The following OXR1 variants were observed in gnomAD, a reference collection of about 807,000 sequenced individuals.
OXR1 encodes oxidation resistance protein 1.
Under a neutral mutation model 104.6 loss-of-function variants are expected in OXR1, and 41 were observed. The observed-to-expected ratio is 0.39, with a 90% CI of 0.31 to 0.51. The LOEUF is 0.51. OXR1 is among the 20% of genes least tolerant of loss of function. The pLI, the probability that OXR1 is intolerant of heterozygous loss-of-function variation, is 0.77. For missense variants in OXR1, 955 were observed against 1,031.9 expected (o/e 0.93, Z 1.02); for synonymous variants, 348 against 348.4 (o/e 1.00, Z 0.01).
chr8:106,489,222 G>T (rs959658516), intron 2 of OXR1, among the ~76,000 whole-genome samples: 3 of 151,164 alleles, frequency 2.0e-5, no homozygotes, highest in Admixed American at 2.0e-4. Flanking sequence ...TTGGCTCTCT[G>T]TTTGTCTGTT....
chr8:106,750,192 A>G (rs1032187032), intron 16 of OXR1, among the ~76,000 whole-genome samples: 1 of 151,774 alleles, frequency 6.6e-6, no homozygotes, highest in Non-Finnish European at 1.5e-5. Context: ...ATACCCAAAG[A>G]AAAACTCATA....
intron 2 of OXR1, among the ~76,000 whole-genome samples, chr8:106,369,827 G>A (rs767366144): frequency 2.0e-5 from 3 of 152,212 alleles, no homozygotes; most frequent in African/African-American, 4.8e-5. Flanking sequence ...AAGTCAGGTA[G>A]TGTGATGCTT....
At chr8:106,680,972 T>A (rs1184310383) in intron 4 of OXR1, among the ~76,000 whole-genome samples, 1 of 152,200 alleles carries the variant, frequency 6.6e-6, no homozygotes, top group Non-Finnish European at 1.5e-5. Flanking sequence ...ACAACTCCAT[T>A]CAATCCATGA....
chr8:106,572,369 T>G (rs891541040), intron 3 of OXR1, among the ~76,000 whole-genome samples: 16 of 152,206 alleles, frequency 1.1e-4, no homozygotes, highest in African/African-American at 3.4e-4. Flanking sequence ...ATCAAGTTGT[T>G]TTTAGGCCAC....
intron 2 of OXR1, among the ~76,000 whole-genome samples, chr8:106,408,794 G>T (rs1024848070): frequency 1.3e-5 from 2 of 152,146 alleles, no homozygotes; most frequent in African/African-American, 4.8e-5. Flanking sequence ...GAGCAGCTAG[G>T]TGACTGCCTG....
intron 3 of OXR1, among the ~76,000 whole-genome samples, chr8:106,519,902 CT>C (rs1019168842): frequency 3.3e-5 from 5 of 152,132 alleles, no homozygotes; most frequent in Admixed American, 2.6e-4. Context: ...TTTGGCCTTG[CT>C]TTTTAATGAA....
chr8:106,653,082 A>AT (rs1358418211), intron 3 of OXR1, among the ~76,000 whole-genome samples: 3,355 of 104,370 alleles, frequency 0.032, 61 homozygotes, highest in African/African-American at 0.08. Context: ...AAAAAAAAAA[A>AT]AATATATATA....
chr8:106,618,992 G>A (rs1821471307), intron 3 of OXR1, among the ~76,000 whole-genome samples: 2 of 151,992 alleles, frequency 1.3e-5, no homozygotes, highest in Non-Finnish European at 2.9e-5. Flanking sequence ...AAGAACTGAG[G>A]CGTGTAAGTA....
At chr8:106,610,809 G>C (rs951985622) in intron 3 of OXR1, among the ~76,000 whole-genome samples, 6 of 152,162 alleles carry the variant, frequency 3.9e-5, no homozygotes, top group Non-Finnish European at 8.8e-5. Context: ...CCAATAATTA[G>C]ATGCAAATTT....
At chr8:106,580,058 A>G (rs1014959245) in intron 3 of OXR1, among the ~76,000 whole-genome samples, 1 of 152,182 alleles carries the variant, frequency 6.6e-6, no homozygotes, top group Non-Finnish European at 1.5e-5. Flanking sequence ...CTCTAAATGC[A>G]CAGAACTATA....
intron 6 of OXR1, among the ~76,000 whole-genome samples, chr8:106,688,382 CTT>C (rs1327478217): frequency 6.6e-6 from 1 of 151,236 alleles, no homozygotes; most frequent in Non-Finnish European, 1.5e-5. Context: ...ATTAATAACA[CTT>C]GAATTGGATA....
intron 3 of OXR1, among the ~76,000 whole-genome samples, chr8:106,536,080 C>T (rs1422158776): frequency 3.3e-5 from 5 of 151,726 alleles, no homozygotes; most frequent in South Asian, 2.1e-4. Context: ...ATTAGCCGGG[C>T]GTGGTGGCGG....
chr8:106,540,304 G>T (rs1035177473), intron 3 of OXR1, among the ~76,000 whole-genome samples: 1 of 152,086 alleles, frequency 6.6e-6, no homozygotes. Context: ...AAGCCCGTGG[G>T]TAAAAGTTCC....
At chr8:106,717,122 A>C (rs1195526112) in intron 11 of OXR1, among the ~76,000 whole-genome samples, 1 of 151,968 alleles carries the variant, frequency 6.6e-6, no homozygotes, top group Non-Finnish European at 1.5e-5. Context: ...GGAGGCGGAG[A>C]TTGCAGTGAG....
chr8:106,693,775 A>G (rs1428151840), intron 7 of OXR1, among the ~76,000 whole-genome samples: 5 of 152,132 alleles, frequency 3.3e-5, no homozygotes, highest in Admixed American at 2.0e-4. Flanking sequence ...TTCTAAGCAA[A>G]AACTTCTAAT....
At position 106,421,019 on chromosome 8, in the gene OXR1, T is replaced by C. The variant is rs554541833; in HGVS notation, c.23+61383T>C. 2.0e-5 allele frequency among the ~76,000 whole-genome samples: 3 copies of C among 152,230 alleles called. No individual in the cohort carries two copies. In the South Asian group the frequency reaches 6.2e-4, roughly 32 times the overall value. Reference sequence around the variant, plus strand: ...ATCAATAAAACCTGTCCTTCCAATATGTATGCATGTATTTATTAATGAATT... The same window carrying C: ...ATCAATAAAACCTGTCCTTCCAATACGTATGCATGTATTTATTAATGAATT... On this transcript the variant is annotated intron_variant, in intron 2 of 16. Coordinates refer to ENST00000517566, the MANE Select transcript of OXR1 (RefSeq NM_001198533.2).
Position 106,706,703 on chromosome 8 carries a change from A to T in OXR1, c.1182A>T (p.Leu394Phe). Residue 394 changes from leucine (L) to phenylalanine (F), a missense_variant, in exon 9 of 17, where the codon TTA becomes TTT. Physicochemically the swap from Leu to Phe is conservative, Grantham distance 22. Around this residue, in one of 2 missense-constraint regions of OXR1, gnomAD observed 849 missense variants for 852.9 expected, o/e 1.00. Transcript: ENST00000517566. ...AATCTACTGGTACTCCTGGTCACTT[A>T]AGATCTGATACTGAACATTCTACAA... is the stretch of plus-strand genomic sequence containing the variant. ...KSESTGTPGHLRSDTEHSTNE... is the reference protein window; with the variant it reads ...KSESTGTPGHFRSDTEHSTNE... 6.2e-7 allele frequency: 1 copy of T among 1,612,736 alleles called. No homozygotes were observed. The highest frequency in any genetic ancestry group is 1.1e-5 in the South Asian group (1 of 90,752).
chr8:106,528,774 C>T (rs1401516758), intron 3 of OXR1, among the ~76,000 whole-genome samples: 2 of 152,174 alleles, frequency 1.3e-5, no homozygotes, highest in Non-Finnish European at 2.9e-5. Flanking sequence ...AACTAGGTCA[C>T]CACTGACCTG....
chr8:106,288,047 A>G (rs1812571229), intron 1 of OXR1, among the ~76,000 whole-genome samples: 1 of 152,192 alleles, frequency 6.6e-6, no homozygotes, highest in Non-Finnish European at 1.5e-5. Context: ...GGTATGAAGC[A>G]TATCCTCTTG....
Sources: gnomAD v4.1 joint callset for allele counts (sites outside exome capture counted in the v4.1 genomes callset) on GRCh38, gnomAD v4.1.1 for gene constraint, gnomAD v4.1.1 regional missense constraint, MANE v1.5 for transcripts, NCBI Gene and HGNC (gene_info 2026-07-23, HGNC 2026-07-21) for gene names.